The following SETX variants were observed in gnomAD, a reference collection of about 807,000 sequenced individuals.
The protein encoded by SETX is helicase senataxin.
A neutral mutation model predicts 227.2 loss-of-function variants in SETX; 90 were observed. The ratio of observed to expected loss-of-function variants is 0.40; its 90% confidence interval spans 0.33 to 0.47. The LOEUF is 0.47. Ranked by LOEUF, SETX falls within the 20% of genes least tolerant of loss-of-function variation. The pLI is 0.91. For synonymous variants in SETX, 1,210 were observed against 1,113.2 expected (o/e 1.09, Z -1.73); for missense variants, 3,052 against 3,181.5 (o/e 0.96, Z 0.98).
chr9:132,264,707 A>G lies in SETX; in HGVS notation c.7566T>C (p.Val2522=), dbSNP rs1277473706. 1 of 1,614,236 alleles carries G rather than the reference A, an allele frequency of 6.2e-7. No individual in the cohort carries two copies. Among genetic ancestry groups the G allele is most frequent in the East Asian group, 2.2e-5 (1 of 44,886 alleles). ...PSDSKEITLT[V]TSKDPERPPV... ...GAGGTCTTTCAGGGTCCTTTGAAGT[A>G]ACAGTAAGAGTAATTTCCTTGGAGT... Residue 2522 remains valine (V), a synonymous_variant, in exon 26 of 26, where the codon GTT becomes GTC. Coordinates refer to ENST00000224140, the MANE Select transcript of SETX (RefSeq NM_015046.7).
intron 11 of SETX, among the ~76,000 whole-genome samples, chr9:132,302,683 A>AC (rs1845081429): frequency 1.3e-5 from 1 of 76,636 alleles, no homozygotes; most frequent in East Asian, 1.3e-3. Context: ...AAAAAAAGCA[A>AC]AAAAAAAAAA....
chr9:132,329,537 T>C lies in SETX; in HGVS notation c.2061A>G (p.Ser687=), dbSNP rs200256274. Residue 687 remains serine (S), a synonymous_variant, in exon 10 of 26, where the codon TCA becomes TCG. Coordinates refer to ENST00000224140, the MANE Select transcript of SETX (RefSeq NM_015046.7). The part of the protein sequence containing the change: ...VKLEDHLLAG[S]CLKQSSKNIF... ...TGTTTTTACTACTCTGCTTTAAGCA[T>C]GACCCAGCTAAGAGATGGTCCTCTA... 1 of 1,613,308 alleles carries C rather than the reference T, an allele frequency of 6.2e-7. No homozygotes were observed. Among genetic ancestry groups the C allele is most frequent in the African/African-American group, 1.3e-5 (1 of 75,062 alleles).
Position 132,330,222 on chromosome 9 carries a change from A to C in SETX, c.1376T>G (p.Leu459Arg), listed in dbSNP as rs747141260. 1 of 1,570,050 alleles carries C rather than the reference A, an allele frequency of 6.4e-7. No individual in the cohort carries two copies. Among genetic ancestry groups the C allele is most frequent in the East Asian group, 2.3e-5 (1 of 44,430 alleles). The change falls in exon 10 of 26, where the codon CTT becomes CGT. Residue 459 changes from leucine to arginine, a missense_variant. Coordinates refer to ENST00000224140, the MANE Select transcript of SETX (RefSeq NM_015046.7). ...AVCDKVTEFF[L>R]LILVSVIELH... is the part of the protein sequence containing the mutation. ...TTCAATCACTGATACCAAAATTAGA[A>C]GAAAAAATTCAGTGACTTTGTCACA...
Position 132,313,357 on chromosome 9 carries a change from C to T in SETX, c.5275-1501G>A, listed in dbSNP as rs140409549. ...AGTACCTAGAAGATCCTAGATAGTT[C>T]CCATCTTGGAAAAAGGAGGGCAGAT... On this transcript the variant is annotated intron_variant, in intron 10 of 25. Coordinates refer to ENST00000224140, the MANE Select transcript of SETX (RefSeq NM_015046.7). 3.3e-3 allele frequency among the ~76,000 whole-genome samples: 496 copies of T among 152,160 alleles called. 4 individuals are homozygous for T. Among genetic ancestry groups the T allele is most frequent in the African/African-American group, 0.011 (469 of 41,506 alleles).
chr9:132,305,753 G>T (rs1008336128), intron 11 of SETX, among the ~76,000 whole-genome samples: 1 of 152,184 alleles, frequency 6.6e-6, no homozygotes, highest in Non-Finnish European at 1.5e-5. Context: ...GGACCTAAGT[G>T]TCCTAGACTG....
intron 19 of SETX, among the ~76,000 whole-genome samples, chr9:132,282,299 A>AT (rs148335455): frequency 0.078 from 10,825 of 139,556 alleles, 788 homozygotes; most frequent in East Asian, 0.38. Context: ...TTTTTAACTT[A>AT]TTTTTTTTTT....
At position 132,275,267 on chromosome 9, in the gene SETX, G is replaced by A. The variant is rs141497098; in HGVS notation, c.7089C>T (p.Phe2363=). ...TMIQKDLDKE[F]DRKGPAEVDT... Reference sequence around the variant, plus strand: ...TAAAAATGCCTCACCCTTTTCTATCGAACTCTTTGTCCAAATCCTTCTGAA... The same window carrying A: ...TAAAAATGCCTCACCCTTTTCTATCAAACTCTTTGTCCAAATCCTTCTGAA... Residue 2363 remains phenylalanine, a synonymous_variant, in exon 23 of 26, where the codon TTC becomes TTT. Transcript: ENST00000224140. 2.4e-5 allele frequency: 39 copies of A among 1,613,868 alleles called. No individual in the cohort carries two copies. Among genetic ancestry groups the A allele is most frequent in the Admixed American group, 8.3e-5 (5 of 60,008 alleles).
intron 4 of SETX, 29 bp downstream of exon 4, chr9:132,346,232 A>G (rs753995989): frequency 1.3e-5 from 20 of 1,539,782 alleles, no homozygotes; most frequent in Non-Finnish European, 1.7e-5. Flanking sequence ...TAAAACTGAT[A>G]TAACTTGAGG....
chr9:132,268,102 G>C (rs7470593), intron 25 of SETX, among the ~76,000 whole-genome samples: 35 of 152,342 alleles, frequency 2.3e-4, no homozygotes, highest in African/African-American at 7.7e-4. Context: ...CAATTGATAA[G>C]AGATCACGTT....
At chr9:132,292,513 A>G (rs1008325408) in intron 15 of SETX, among the ~76,000 whole-genome samples, 1 of 151,760 alleles carries the variant, frequency 6.6e-6, no homozygotes, top group African/African-American at 2.4e-5. Context: ...GTTAAAAAAA[A>G]GACAACAAAT....
Position 132,351,554 on chromosome 9 carries a change from G to A in SETX, c.-8+2095C>T, listed in dbSNP as rs181513277. Reference sequence around the variant, plus strand: ...ACCAAAATAGGTGAGTGTCATGGCCGCTAGAAGATAACGGAGAATACTGCT... The same window carrying A: ...ACCAAAATAGGTGAGTGTCATGGCCACTAGAAGATAACGGAGAATACTGCT... On this transcript the variant is annotated intron_variant, in intron 2 of 25. Coordinates refer to ENST00000224140, the MANE Select transcript of SETX (RefSeq NM_015046.7). Among the ~76,000 whole-genome samples, 15 of 152,286 alleles carry A rather than the reference G, an allele frequency of 9.8e-5. No individual in the cohort carries two copies. In the East Asian group the frequency reaches 2.1e-3, roughly 22 times the overall value.
In SETX at chr9:132,331,361, A is replaced by G. The variant is rs778576602; in HGVS notation, c.926T>C (p.Met309Thr). ...RLGSKVWGQLMDPIVAFQTII... is the reference protein window; with the variant it reads ...RLGSKVWGQLTDPIVAFQTII... ...GGTTTGAAATGCCACAATAGGATCC[A>G]TAAGTTGACCCCAGACCTTAGATCC... is the stretch of plus-strand genomic sequence containing the variant. The change falls in exon 8 of 26, where the codon ATG becomes ACG. Residue 309 changes from methionine (M) to threonine (T), a missense_variant. Transcript: ENST00000224140. The G allele has an allele frequency of 6.2e-6, 10 of 1,614,012 alleles. No homozygotes were observed. Among genetic ancestry groups the G allele is most frequent in the South Asian group, 4.4e-5 (4 of 91,076 alleles).
At chr9:132,307,869 G>A (rs1845426559) in intron 11 of SETX, among the ~76,000 whole-genome samples, 1 of 152,032 alleles carries the variant, frequency 6.6e-6, no homozygotes, top group South Asian at 2.1e-4. Context: ...AGTAGAGACG[G>A]GGTTTTGCCA....
chr9:132,326,197 G>C, intron 10 of SETX, 127 bp downstream of exon 10: 2 of 745,774 alleles, frequency 2.7e-6, no homozygotes, highest in Admixed American at 2.2e-5. Flanking sequence ...CTCCCGAGTA[G>C]CTGGGATTAC....
chr9:132,334,325 G>A (rs563160718), intron 7 of SETX, among the ~76,000 whole-genome samples: 4 of 152,176 alleles, frequency 2.6e-5, no homozygotes, highest in Non-Finnish European at 5.9e-5. Context: ...GTGCACGCCT[G>A]TAGTCCCAGC....
Position 132,300,126 on chromosome 9 carries a change from G to A in SETX, c.5548+504C>T, listed in dbSNP as rs184574246. On this transcript the variant is annotated intron_variant, in intron 12 of 25. Transcript: ENST00000224140. ...GCCTGGACAACAAGAGTGAAACTCC[G>A]TCTCAAAAAAAAAAAAAAAAAAAAA... is the stretch of plus-strand genomic sequence containing the variant. 4.6e-3 allele frequency among the ~76,000 whole-genome samples: 392 copies of A among 84,648 alleles called. 3 individuals carry two copies. Among genetic ancestry groups the A allele is most frequent in the African/African-American group, 0.018 (364 of 19,730 alleles). 55.5% of individuals were successfully genotyped at this position (84,648 alleles called of 152,430 possible). A position where few individuals can be genotyped will look rare whatever the true frequency, so the allele number is the denominator to read the frequency against.
At position 132,330,304 on chromosome 9, in the gene SETX, C is replaced by T. The variant is rs1564547500; in HGVS notation, c.1294G>A (p.Val432Ile). ...ACTTCAGAGTACAGATGATTAACAA[C>T]CTGTGCTATGTAAGCCACACCCAAA... is the stretch of plus-strand genomic sequence containing the variant. ...KDLGVAYIAQVVNHLYSEVKE... is the reference protein window; with the variant it reads ...KDLGVAYIAQIVNHLYSEVKE... Residue 432 changes from valine to isoleucine, a missense_variant, in exon 10 of 26, where the codon GTT (valine) becomes ATT (isoleucine). Physicochemically the swap from Val to Ile is conservative, Grantham distance 29 (BLOSUM62 3). Transcript: ENST00000224140. 1.9e-6 allele frequency: 3 copies of T among 1,606,648 alleles called. No individual in the cohort carries two copies. The highest frequency in any genetic ancestry group is 2.6e-6 in the Non-Finnish European group (3 of 1,174,936).
At chr9:132,322,803 C>T (rs1301143769) in intron 10 of SETX, among the ~76,000 whole-genome samples, 3 of 150,888 alleles carry the variant, frequency 2.0e-5, no homozygotes, top group Non-Finnish European at 4.4e-5. Context: ...AAACACGAAC[C>T]ATGCAAAAAG....
intron 19 of SETX, chr9:132,282,944 G>C: frequency 5.3e-6 from 2 of 374,328 alleles, no homozygotes; most frequent in Non-Finnish European, 1.0e-5. Flanking sequence ...GTGGCTCAAA[G>C]CTATCCAAAA....
Sources: allele counts gnomAD v4.1 joint callset (sites outside exome capture counted in the v4.1 genomes callset), GRCh38; gene constraint gnomAD v4.1.1; transcripts MANE v1.5; gene names NCBI Gene and HGNC (gene_info 2026-07-23, HGNC 2026-07-21).